CSGALNACT1: variants seen among roughly 807,000 people sequenced by gnomAD.
CSGALNACT1 encodes beta4GalNAcT-1.
Under a neutral mutation model 51.0 loss-of-function variants are expected in CSGALNACT1, and 52 were observed. The observed-to-expected ratio is 1.02, with a 90% CI of 0.82 to 1.29. The LOEUF is 1.29. Among genes scored for constraint, CSGALNACT1 ranks in the 50% most tolerant of loss-of-function variants. The probability of loss-of-function intolerance (pLI) is 0.00; values close to 1 mark genes in which losing one functional copy is unlikely to be tolerated. For synonymous variants in CSGALNACT1, 341 were observed against 254.4 expected, an observed-to-expected ratio of 1.34 and a Z score of -3.24; for missense variants, 935 against 679.2, an observed-to-expected ratio of 1.38 and a Z score of -4.19.
At chr8:19,406,623 T>TAA (rs33985548) in intron 9 of CSGALNACT1, among the ~76,000 whole-genome samples, 1,516 of 72,160 alleles carry the variant, frequency 0.021, 46 homozygotes, top group Non-Finnish European at 0.024. Flanking sequence ...AGAGGTTTCG[T>TAA]AAAAAAAAAA....
At chr8:19,412,252 C>G (rs1486637247) in intron 8 of CSGALNACT1, among the ~76,000 whole-genome samples, 1 of 152,208 alleles carries the variant, frequency 6.6e-6, no homozygotes, top group Non-Finnish European at 1.5e-5. Flanking sequence ...GAATGTACCA[C>G]AAAAGGACAG....
intron 1 of CSGALNACT1, among the ~76,000 whole-genome samples, chr8:19,699,870 G>T (rs1428302747): frequency 6.6e-6 from 1 of 152,130 alleles, no homozygotes; most frequent in Non-Finnish European, 1.5e-5. Flanking sequence ...CAGCCCTCTG[G>T]GAGGCCGAAG....
At chr8:19,457,650 G>A (rs1387534032) in intron 5 of CSGALNACT1, 2 of 1,283,708 alleles carry the variant, frequency 1.6e-6, no homozygotes, top group Non-Finnish European at 1.0e-6. Context: ...GATCTTTCAA[G>A]ATTTATAATT....
intron 3 of CSGALNACT1, among the ~76,000 whole-genome samples, chr8:19,508,514 A>T (rs2077806627): frequency 6.6e-6 from 1 of 152,196 alleles, no homozygotes; most frequent in South Asian, 2.1e-4. Context: ...TAATTACTGT[A>T]ATTCTGTGAT....
At chr8:19,676,040 C>G (rs1249959328) in intron 1 of CSGALNACT1, among the ~76,000 whole-genome samples, 1 of 147,398 alleles carries the variant, frequency 6.8e-6, no homozygotes, top group Non-Finnish European at 1.5e-5. Context: ...GACAGAACTA[C>G]TTGCAGCCTG....
chr8:19,586,226 G>C (rs982459650), intron 3 of CSGALNACT1, among the ~76,000 whole-genome samples: 1 of 151,918 alleles, frequency 6.6e-6, no homozygotes, highest in African/African-American at 2.4e-5. Context: ...ATCCGGGCGT[G>C]GTGGTGAGTG....
chr8:19,493,871 TACACACACACAC>T (rs57708862), intron 4 of CSGALNACT1, among the ~76,000 whole-genome samples: 24,607 of 148,996 alleles, frequency 0.17, 2,189 homozygotes, highest in African/African-American at 0.24. Context: ...TGTGTGTTTA[TACACACACACAC>T]ACACACACAC....
chr8:19,653,031 C>T (rs1241987254), intron 1 of CSGALNACT1, among the ~76,000 whole-genome samples: 2 of 152,296 alleles, frequency 1.3e-5, no homozygotes, highest in East Asian at 3.9e-4. Context: ...CATAAGCATA[C>T]ACTTGTAATG....
chr8:19,548,275 A>G (rs887264926), intron 3 of CSGALNACT1, among the ~76,000 whole-genome samples: 3 of 152,228 alleles, frequency 2.0e-5, no homozygotes, highest in Non-Finnish European at 4.4e-5. Flanking sequence ...ATAAAGTTAG[A>G]CACTAAAATT....
At chr8:19,598,890 G>A (rs537104591) in intron 2 of CSGALNACT1, among the ~76,000 whole-genome samples, 11 of 152,272 alleles carry the variant, frequency 7.2e-5, no homozygotes, top group African/African-American at 1.7e-4. Context: ...TCATTCACTC[G>A]CTCATTCATT....
At chr8:19,723,804 A>G (rs2063255224) in intron 1 of CSGALNACT1, among the ~76,000 whole-genome samples, 1 of 152,238 alleles carries the variant, frequency 6.6e-6, no homozygotes, top group Non-Finnish European at 1.5e-5. Flanking sequence ...CTATATTACA[A>G]TCTGTAGACA....
chr8:19,405,600 G>A (rs538015064), exon 10 of CSGALNACT1: 512 of 848,876 alleles, frequency 6.0e-4, no homozygotes, highest in Admixed American at 1.0e-3. Context: ...TGCAGGCAAA[G>A]CGGAGATTTT....
At chr8:19,482,349 G>A (rs1367118432) in intron 4 of CSGALNACT1, among the ~76,000 whole-genome samples, 15 of 152,128 alleles carry the variant, frequency 9.9e-5, no homozygotes, top group Admixed American at 5.9e-4. Flanking sequence ...GGACAGTGCC[G>A]TTTTAGGCTC....
intron 5 of CSGALNACT1, chr8:19,457,866 G>T (rs758387421): frequency 8.2e-7 from 1 of 1,217,652 alleles, no homozygotes; most frequent in East Asian, 4.7e-5. Flanking sequence ...CAAAAATGTG[G>T]GCTTGAAACC....
At chr8:19,550,767 T>C (rs2087832905) in intron 3 of CSGALNACT1, among the ~76,000 whole-genome samples, 1 of 152,180 alleles carries the variant, frequency 6.6e-6, no homozygotes, top group Non-Finnish European at 1.5e-5. Context: ...CCTCTAATCC[T>C]GGCATGGTGG....
chr8:19,688,201 G>A (rs560670356), intron 1 of CSGALNACT1, among the ~76,000 whole-genome samples: 14 of 152,254 alleles, frequency 9.2e-5, no homozygotes, highest in African/African-American at 2.9e-4. Flanking sequence ...GTCTTCCCAT[G>A]GGCTGCTTTC....
intron 1 of CSGALNACT1, among the ~76,000 whole-genome samples, chr8:19,703,759 A>C (rs1390362374): frequency 2.0e-5 from 3 of 152,242 alleles, no homozygotes; most frequent in African/African-American, 2.4e-5. Context: ...CAAAGTTATC[A>C]GATTCATTCA....
intron 4 of CSGALNACT1, among the ~76,000 whole-genome samples, chr8:19,462,725 A>AT (rs1362118726): frequency 4.0e-5 from 6 of 151,720 alleles, no homozygotes; most frequent in Admixed American, 6.6e-5. Context: ...CATTACATCC[A>AT]TTTTTTAGCT....
chr8:19,728,595 A>C (rs1018507078), intron 1 of CSGALNACT1, among the ~76,000 whole-genome samples: 1 of 151,700 alleles, frequency 6.6e-6, no homozygotes, highest in African/African-American at 2.4e-5. Context: ...ACGCACACAC[A>C]CTCTCATTGA....
Sources: allele counts gnomAD v4.1 joint callset (sites outside exome capture counted in the v4.1 genomes callset), GRCh38; gene constraint gnomAD v4.1.1; transcripts MANE v1.5; gene names NCBI Gene and HGNC (gene_info 2026-07-23, HGNC 2026-07-21).